The following EFCAB11 variants were observed in gnomAD, a reference collection of about 807,000 sequenced individuals.
EFCAB11 encodes EF-hand calcium-binding domain-containing protein 11.
EFCAB11 carries 14 observed loss-of-function variants against 23.0 expected under a neutral mutation model. That is an observed-to-expected ratio of 0.61 (90% CI 0.40 to 0.95). The LOEUF is 0.95. Ranked by LOEUF, EFCAB11 falls within the 40% of genes least tolerant of loss-of-function variation. The pLI is 0.00. For missense variants in EFCAB11, 198 were observed against 195.8 expected, an observed-to-expected ratio of 1.01 and a Z score of -0.07; for synonymous variants, 65 against 66.6, an observed-to-expected ratio of 0.98 and a Z score of 0.11.
intron 3 of EFCAB11, among the ~76,000 whole-genome samples, chr14:89,945,476 C>G (rs1890947719): frequency 6.6e-6 from 1 of 152,064 alleles, no homozygotes; most frequent in Non-Finnish European, 1.5e-5. Context: ...TTTTCTTTGA[C>G]CTATGAGTTA....
chr14:89,947,804 G>C (rs1026364659), intron 3 of EFCAB11, among the ~76,000 whole-genome samples: 3 of 152,100 alleles, frequency 2.0e-5, no homozygotes, highest in Middle Eastern at 3.4e-3. Context: ...ATCTCTCTAG[G>C]TGGTCTCATT....
chr14:89,839,808 G>C (rs1190424402), intron 5 of EFCAB11, among the ~76,000 whole-genome samples: 1 of 150,942 alleles, frequency 6.6e-6, no homozygotes, highest in East Asian at 2.0e-4. Context: ...GAGAGGAAGG[G>C]GGGAGGTGCT....
At chr14:89,879,407 A>G (rs1888537080) in intron 5 of EFCAB11, among the ~76,000 whole-genome samples, 1 of 152,060 alleles carries the variant, frequency 6.6e-6, no homozygotes. Context: ...CTATAATCCT[A>G]TAAAACCATA....
At chr14:89,929,386 C>T (rs1382277160) in intron 5 of EFCAB11, among the ~76,000 whole-genome samples, 1 of 151,972 alleles carries the variant, frequency 6.6e-6, no homozygotes, top group African/African-American at 2.4e-5. Context: ...CTAAAATCAC[C>T]ACAACTTTAC....
intron 5 of EFCAB11, among the ~76,000 whole-genome samples, chr14:89,893,200 G>A (rs1354430607): frequency 6.6e-6 from 1 of 152,206 alleles, no homozygotes; most frequent in African/African-American, 2.4e-5. Flanking sequence ...TGCTGCATGA[G>A]CAAAGGCAGG....
intron 5 of EFCAB11, among the ~76,000 whole-genome samples, chr14:89,868,835 C>G (rs1236251545): frequency 1.3e-5 from 2 of 152,168 alleles, no homozygotes; most frequent in Non-Finnish European, 2.9e-5. Flanking sequence ...AATGACATAT[C>G]CTTCGTGAGC....
rs549793392 is a variant in EFCAB11, at chr14:89,879,329, C to T, written c.410+52212G>A. ...TATTCTAGATGTTGGTTCCTTTCAG[C>T]ATCATAGCCTGTGTTATTGTTCTTT... On this transcript the variant is annotated intron_variant, in intron 5 of 5. Transcript: ENST00000316738. Among the ~76,000 whole-genome samples the T allele has an allele frequency of 3.5e-4, 54 of 152,196 alleles. 1 individual carries two copies. Among genetic ancestry groups the T allele is most frequent in the African/African-American group, 1.3e-3 (53 of 41,544 alleles).
At chr14:89,906,984 A>G (rs1199057134) in intron 5 of EFCAB11, among the ~76,000 whole-genome samples, 1 of 152,186 alleles carries the variant, frequency 6.6e-6, no homozygotes, top group African/African-American at 2.4e-5. Context: ...TGAGTAAACA[A>G]AAGGTTTAGA....
rs967080403 is a variant in EFCAB11 at position 89,890,710 on chromosome 14, C to T, written c.410+40831G>A. 5.3e-5 allele frequency among the ~76,000 whole-genome samples: 8 copies of T among 152,178 alleles called. No individual in the cohort carries two copies. The South Asian group carries it at 8.3e-4, about 16-fold the overall frequency. Reference sequence around the variant, plus strand: ...TGCCAGGCCAAATTCTTGAGGCTAGCTTGAACCCAAAGAGGTTAGTGGAAA... The same window carrying T: ...TGCCAGGCCAAATTCTTGAGGCTAGTTTGAACCCAAAGAGGTTAGTGGAAA... On this transcript the variant is annotated intron_variant, in intron 5 of 5. Coordinates refer to ENST00000316738, the MANE Select transcript of EFCAB11 (RefSeq NM_145231.4).
chr14:89,803,318 A>G (rs565767422), intron 5 of EFCAB11, among the ~76,000 whole-genome samples: 1 of 152,368 alleles, frequency 6.6e-6, no homozygotes, highest in East Asian at 1.9e-4. Context: ...GATTGTCCCA[A>G]CACTCTAAGG....
intron 5 of EFCAB11, among the ~76,000 whole-genome samples, chr14:89,868,971 T>A (rs544201571): frequency 1.3e-5 from 2 of 152,232 alleles, no homozygotes; most frequent in East Asian, 1.9e-4. Context: ...TTTGGGAGGC[T>A]GAGGAGGATC....
intron 3 of EFCAB11, among the ~76,000 whole-genome samples, chr14:89,938,847 C>T (rs544340333): frequency 2.0e-5 from 3 of 151,796 alleles, no homozygotes; most frequent in African/African-American, 7.2e-5. Flanking sequence ...CACATGTTCA[C>T]CTCCAGGCTT....
intron 5 of EFCAB11, among the ~76,000 whole-genome samples, chr14:89,851,274 G>A (rs1887593833): frequency 1.3e-5 from 2 of 152,120 alleles, no homozygotes; most frequent in South Asian, 2.1e-4. Flanking sequence ...GCACCCAAAT[G>A]CCCCACTTGG....
intron 5 of EFCAB11, chr14:89,830,716 C>T (rs1461542947): frequency 6.6e-6 from 1 of 152,176 alleles, no homozygotes; most frequent in African/African-American, 2.4e-5. Context: ...CCTGAAACAA[C>T]CTCAATCAAT....
At chr14:89,924,276 A>C in intron 5 of EFCAB11, 2 of 1,000,602 alleles carry the variant, frequency 2.0e-6, no homozygotes, top group Non-Finnish European at 1.2e-6. Context: ...TACACCAAAA[A>C]TATCAGGATA....
chr14:89,929,057 A>C (rs1177577422), intron 5 of EFCAB11, among the ~76,000 whole-genome samples: 1 of 111,474 alleles, frequency 9.0e-6, no homozygotes. Flanking sequence ...ACACACACAT[A>C]TTTTTTTTTA....
intron 5 of EFCAB11, among the ~76,000 whole-genome samples, chr14:89,816,275 T>C (rs1046815062): frequency 1.3e-5 from 2 of 152,220 alleles, no homozygotes; most frequent in South Asian, 2.1e-4. Flanking sequence ...TCAGTTCTAA[T>C]AGTTTTTTGG....
chr14:89,912,056 T>A (rs963263597), intron 5 of EFCAB11, among the ~76,000 whole-genome samples: 1 of 152,236 alleles, frequency 6.6e-6, no homozygotes, highest in African/African-American at 2.4e-5. Flanking sequence ...CAGAGAATTG[T>A]TCTAGAACAC....
intron 5 of EFCAB11, among the ~76,000 whole-genome samples, chr14:89,856,559 A>G (rs181476961): frequency 2.8e-4 from 43 of 152,278 alleles, no homozygotes; most frequent in East Asian, 1.9e-4. Flanking sequence ...CCAACGGTAT[A>G]TAAGAGTTCC....
Sources: gnomAD v4.1 joint callset for allele counts (sites outside exome capture counted in the v4.1 genomes callset) on GRCh38, gnomAD v4.1.1 for gene constraint, MANE v1.5 for transcripts, NCBI Gene and HGNC (gene_info 2026-07-23, HGNC 2026-07-21) for gene names.